Variants in EIF2D observed in about 807,000 individuals in gnomAD.
EIF2D encodes the protein eukaryotic translation initiation factor 2D.
In EIF2D, 56 loss-of-function variants were observed where a neutral mutation model predicts 77.4. The observed-to-expected ratio is 0.72, with a 90% CI of 0.58 to 0.90. The LOEUF is 0.90. Ranked by LOEUF, EIF2D falls within the 40% of genes least tolerant of loss-of-function variation. The pLI is 0.00. For missense variants in EIF2D, 574 were observed against 706.5 expected, an observed-to-expected ratio of 0.81 and a Z score of 2.13; for synonymous variants, 230 against 271.0, an observed-to-expected ratio of 0.85 and a Z score of 1.49.
Position 206,609,381 on chromosome 1 carries a change from C to A in EIF2D, c.326G>T (p.Gly109Val). The A allele has an allele frequency of 6.2e-7, 1 of 1,614,026 alleles. No individual in the cohort carries two copies. The highest frequency in any genetic ancestry group is 2.2e-5 in the East Asian group (1 of 44,890). The change falls in exon 3 of 15, where the codon GGA (glycine) becomes GTA (valine). Residue 109 changes from glycine to valine, a missense_variant. Gly to Val is a moderately radical substitution (Grantham distance 109). Coordinates refer to ENST00000271764, the MANE Select transcript of EIF2D (RefSeq NM_006893.3). ...ATATAGGAGAATCCTCTTACCTGCT[C>A]CCCCTACCAGTTTCTCGAGCACCAG... ...WPLVLEKLVG[G>V]ADLMLPGLVM...
intron 2 of EIF2D, chr1:206,585,329 T>C (rs781882964): frequency 1.3e-6 from 2 of 1,521,802 alleles, no homozygotes; most frequent in Non-Finnish European, 1.8e-6. Flanking sequence ...ACCCAGGCCT[T>C]AGGGCACCCT....
chr1:206,586,319 A>G (rs1395604010), intron 2 of EIF2D: 1 of 157,078 alleles, frequency 6.4e-6, no homozygotes, highest in Non-Finnish European at 1.4e-5. Flanking sequence ...TGGGCCAGTC[A>G]GGCTCTCATT....
At chr1:206,583,197 G>A in intron 2 of EIF2D, 2 of 964,060 alleles carry the variant, frequency 2.1e-6, no homozygotes, top group Non-Finnish European at 3.4e-6. Flanking sequence ...AGGCTTTGGG[G>A]AGGGCGTGGT....
Position 206,599,754 on chromosome 1 carries a change from G to A in EIF2D, c.1031C>T (p.Ala344Val). ...ELSKGVESIV[A>V]VDWKHPRITS... The stretch of plus-strand genomic sequence containing the variant: ...TCACCTCGGGTGTTTCCAGTCCACA[G>A]CCACAATGCTCTCCACCCCTTTGCT... Residue 344 changes from alanine to valine, a missense_variant, in exon 9 of 15, where the codon GCT (alanine) becomes GTT (valine). Ala to Val is a moderately conservative substitution (Grantham distance 64). Coordinates refer to ENST00000271764, the MANE Select transcript of EIF2D (RefSeq NM_006893.3). The surrounding 1 kb of genome is among the most constrained non-coding windows in gnomAD (Gnocchi z 4.1). 1 of 1,614,158 alleles carries A rather than the reference G, an allele frequency of 6.2e-7. No individual in the cohort carries two copies. The highest frequency in any genetic ancestry group is 1.7e-5 in the Admixed American group (1 of 60,026).
rs1553407044 is a variant in EIF2D at position 206,584,406 on chromosome 1, C to T, written c.139-3244G>A. ...TGGCAGAGTGAAGACGGCACCTACACGGGTTTCATCAAAGTGCATCTGAAA... is the reference window on the plus strand; with the variant it reads ...TGGCAGAGTGAAGACGGCACCTACATGGGTTTCATCAAAGTGCATCTGAAA... On this transcript the variant is annotated intron_variant and NMD_transcript_variant, in intron 2 of 5. Coordinates refer to the EIF2D transcript ENST00000472709. This position sits in a 1 kb window ranked among gnomAD's most constrained non-coding sequence, Gnocchi z 4.9. 4 of 1,613,170 alleles carry T rather than the reference C, an allele frequency of 2.5e-6. No individual in the cohort carries two copies. Among genetic ancestry groups the T allele is most frequent in the African/African-American group, 1.3e-5 (1 of 74,928 alleles).
intron 4 of EIF2D, among the ~76,000 whole-genome samples, chr1:206,575,445 C>T (rs924036040): frequency 6.6e-6 from 1 of 152,124 alleles, no homozygotes; most frequent in Non-Finnish European, 1.5e-5. Flanking sequence ...GTTAAGAATG[C>T]GTAGACCGGC....
chr1:206,593,816 G>A (rs1669505448), intron 13 of EIF2D, 23 bp from the exon 14 acceptor site: 5 of 1,578,854 alleles, frequency 3.2e-6, no homozygotes, highest in Non-Finnish European at 4.3e-6. Context: ...TGGGGACAGA[G>A]ACTGACGGTG....
At position 206,599,588 on chromosome 1, in the gene EIF2D, C is replaced by T. The variant is rs1553410839; in HGVS notation, c.1077G>A (p.Glu359=). ...HPRITSFVIP[E]PSPTSQTIQE... is the part of the protein sequence containing the mutation. ...GGATAGTCTGGGAGGTCGGGGAGGG[C>T]TCGGGTATGACGAAAGATGTAATCC... Residue 359 remains glutamate, a synonymous_variant, in exon 10 of 15, where the codon GAG becomes GAA. Transcript: ENST00000271764. The surrounding 1 kb of genome is among the most constrained non-coding windows in gnomAD (Gnocchi z 4.1). 1 of 1,600,046 alleles carries T rather than the reference C, an allele frequency of 6.2e-7. No homozygotes were observed. The highest frequency in any genetic ancestry group is 1.7e-5 in the Admixed American group (1 of 57,660).
chr1:206,577,727 CT>C (rs1482676626), intron 4 of EIF2D, among the ~76,000 whole-genome samples: 1 of 152,226 alleles, frequency 6.6e-6, no homozygotes, highest in African/African-American at 2.4e-5. Context: ...GCTCACTGCA[CT>C]GTAATTCCTA....
downstream of EIF2D, chr1:206,586,837 C>A (rs782710434): frequency 2.5e-6 from 4 of 1,613,038 alleles, no homozygotes; most frequent in Non-Finnish European, 3.4e-6. Flanking sequence ...GGGATGCCTT[C>A]TCCATCCCTG....
chr1:206,608,417 AAT>A (rs1270079656), intron 3 of EIF2D, 91 bp from the exon 4 acceptor site: 56 of 1,018,054 alleles, frequency 5.5e-5, no homozygotes, highest in Middle Eastern at 2.2e-4. Flanking sequence ...TCAACAAAAA[AAT>A]AGTTACTAGG....
downstream of EIF2D, among the ~76,000 whole-genome samples, chr1:206,569,272 G>C (rs782478336): frequency 1.3e-5 from 2 of 152,232 alleles, no homozygotes; most frequent in African/African-American, 2.4e-5. Context: ...GAAAGACTGT[G>C]GGCTCAGAGC....
chr1:206,569,577 A>C (rs1668384311), downstream of EIF2D, among the ~76,000 whole-genome samples: 1 of 152,262 alleles, frequency 6.6e-6, no homozygotes, highest in Non-Finnish European at 1.5e-5. Context: ...GGGCCACCTC[A>C]GTCTGCTGGC....
chr1:206,610,248 C>T (rs1222869937), intron 2 of EIF2D, among the ~76,000 whole-genome samples: 1 of 152,162 alleles, frequency 6.6e-6, no homozygotes, highest in African/African-American at 2.4e-5. Context: ...GGCTGGGCAC[C>T]CTGCTCATGC....
In EIF2D at chr1:206,595,707, T is replaced by C. The variant is rs1172993281; in HGVS notation, c.1509+11A>G. 4 of 1,612,690 alleles carry C rather than the reference T, an allele frequency of 2.5e-6. No homozygotes were observed. In the East Asian group the frequency reaches 8.9e-5, roughly 36 times the overall value. On this transcript the variant is annotated intron_variant, in intron 13 of 14. Transcript: ENST00000271764. The stretch of plus-strand genomic sequence containing the variant: ...TCACTATCCTTGAACATTGTGTCTT[T>C]CTAAAATTACCTTTTTATTAGACGC...
chr1:206,573,268 C>T (rs1178146018), intron 4 of EIF2D, among the ~76,000 whole-genome samples: 1 of 152,054 alleles, frequency 6.6e-6, no homozygotes, highest in East Asian at 1.9e-4. Flanking sequence ...CACATCAATC[C>T]CGTGAGGCAA....
At chr1:206,604,230 G>A (rs1041389457) in intron 5 of EIF2D, among the ~76,000 whole-genome samples, 3 of 150,434 alleles carry the variant, frequency 2.0e-5, no homozygotes, top group Non-Finnish European at 4.4e-5. Flanking sequence ...ATCACGTGAG[G>A]TTAGGAGTTC....
chr1:206,596,135 T>C (rs1435633149), intron 12 of EIF2D, among the ~76,000 whole-genome samples: 1 of 152,230 alleles, frequency 6.6e-6, no homozygotes, highest in Non-Finnish European at 1.5e-5. Context: ...TGACCTGGCC[T>C]TTTGAGAATC....
In EIF2D at chr1:206,584,353, G is replaced by A. The variant is rs1553406999; in HGVS notation, c.139-3191C>T. The A allele has an allele frequency of 1.3e-6, 2 of 1,584,278 alleles. No individual in the cohort carries two copies. Among genetic ancestry groups the A allele is most frequent in the Non-Finnish European group, 1.7e-6 (2 of 1,164,160 alleles). ...CAGATATGATCATGCAAGGCGGACG[G>A]CCCTGACCCCCTGTGACATGCCCCC... On this transcript the variant is annotated intron_variant and NMD_transcript_variant, in intron 2 of 5. Transcript: ENST00000472709. This position sits in a 1 kb window ranked among gnomAD's most constrained non-coding sequence, Gnocchi z 4.9.
Sources: allele counts gnomAD v4.1 joint callset (sites outside exome capture counted in the v4.1 genomes callset), GRCh38; gene constraint gnomAD v4.1.1; non-coding constraint Gnocchi (gnomAD v3.1); transcripts MANE v1.5; gene names NCBI Gene and HGNC (gene_info 2026-07-23, HGNC 2026-07-21).